The following OR51B5 variants were observed in gnomAD, a reference collection of about 807,000 sequenced individuals.
OR51B5 encodes the protein olfactory receptor 51B5.
For synonymous variants in OR51B5, 186 were observed against 144.8 expected (o/e 1.28, Z -2.04); for missense variants, 456 against 374.6 (o/e 1.22, Z -1.79).
chr11:5,406,774 G>A (rs1037145642), intron 1 of OR51B5, among the ~76,000 whole-genome samples: 1 of 152,126 alleles, frequency 6.6e-6, no homozygotes, highest in Non-Finnish European at 1.5e-5. Context: ...AAAGAGAAGG[G>A]AAGCCTAGAG....
intron 1 of OR51B5, among the ~76,000 whole-genome samples, chr11:5,378,165 C>A (rs1313858549): frequency 1.3e-5 from 2 of 151,780 alleles, no homozygotes; most frequent in African/African-American, 2.4e-5. Flanking sequence ...CGCATATCTA[C>A]AACTATCTGA....
exon 1 of OR51B5, chr11:5,342,586 T>A (rs778809704): frequency 6.4e-7 from 1 of 1,569,444 alleles, no homozygotes; most frequent in Non-Finnish European, 8.6e-7. Flanking sequence ...TGATTGGAGA[T>A]CAGGTTCCAA....
At position 5,465,181 on chromosome 11, in the gene OR51B5, G is replaced by C. The variant is rs1317436653; in HGVS notation, n.84+40388C>G. Among the ~76,000 whole-genome samples the C allele has an allele frequency of 4.2e-3, 558 of 133,752 alleles. 5 individuals are homozygous for C. The highest frequency in any genetic ancestry group is 0.015 in the African/African-American group (522 of 35,326). The allele number at this position is 133,752 out of a possible 152,430, so 87.7% of individuals were successfully genotyped here. A position where few individuals can be genotyped will look rare whatever the true frequency, so the allele number is the denominator to read the frequency against. ...AGATCCCGCCACTGCACTCCAGCCT[G>C]GGCGACAGAGCGAGACTCCGTCTCA... On this transcript the variant is annotated intron_variant and non_coding_transcript_variant, in intron 1 of 4. Coordinates refer to the OR51B5 transcript ENST00000415970.
At chr11:5,362,240 G>A (rs892525626) in intron 1 of OR51B5, among the ~76,000 whole-genome samples, 5 of 152,168 alleles carry the variant, frequency 3.3e-5, no homozygotes, top group African/African-American at 9.7e-5. Context: ...TCTGTCGGGG[G>A]ATGGGAGTAG....
intron 1 of OR51B5, chr11:5,390,578 G>A (rs1292262176): frequency 1.1e-5 from 6 of 533,698 alleles, no homozygotes; most frequent in South Asian, 3.2e-5. Context: ...TCCTCCTACA[G>A]CTGAGAACTG....
At chr11:5,423,100 G>C in intron 1 of OR51B5, 3 of 1,609,340 alleles carry the variant, frequency 1.9e-6, no homozygotes, top group Non-Finnish European at 2.5e-6. Context: ...AGAACAAGCA[G>C]ATCCAATGGG....
At chr11:5,417,009 ACTAC>A (rs1850254691) in intron 1 of OR51B5, among the ~76,000 whole-genome samples, 1 of 146,882 alleles carries the variant, frequency 6.8e-6, no homozygotes, top group African/African-American at 2.5e-5. Flanking sequence ...GAGGCATCAC[ACTAC>A]CTGACTTCAA....
chr11:5,396,908 CA>C (rs1165403853), intron 1 of OR51B5, among the ~76,000 whole-genome samples: 11 of 152,270 alleles, frequency 7.2e-5, no homozygotes, highest in Middle Eastern at 3.4e-3. Context: ...TGTCTATCTA[CA>C]ACTATCTGAT....
intron 1 of OR51B5, among the ~76,000 whole-genome samples, chr11:5,444,539 A>T (rs995884930): frequency 6.6e-6 from 1 of 152,142 alleles, no homozygotes; most frequent in Non-Finnish European, 1.5e-5. Flanking sequence ...AATTTTGGCA[A>T]AAGTGTTAAA....
intron 1 of OR51B5, chr11:5,454,471 C>T: frequency 6.9e-7 from 1 of 1,444,970 alleles, no homozygotes; most frequent in South Asian, 1.2e-5. Context: ...GCCATAGGCT[C>T]TCATCAGTAG....
chr11:5,435,034 G>T (rs1340263417), intron 1 of OR51B5, among the ~76,000 whole-genome samples: 1 of 152,160 alleles, frequency 6.6e-6, no homozygotes, highest in Admixed American at 6.5e-5. Context: ...AGGTCAGGTG[G>T]TGGGGAACAG....
intron 1 of OR51B5, among the ~76,000 whole-genome samples, chr11:5,419,540 T>C (rs897390087): frequency 6.6e-6 from 1 of 152,194 alleles, no homozygotes; most frequent in African/African-American, 2.4e-5. Flanking sequence ...ACACAGCATT[T>C]ATATTGTATC....
At chr11:5,385,336 T>A (rs894656054) in intron 1 of OR51B5, 1 of 152,142 alleles carries the variant, frequency 6.6e-6, no homozygotes, top group Admixed American at 6.5e-5. Flanking sequence ...CCCAGCCCTG[T>A]CATTGTCTCT....
chr11:5,343,846 G>A (rs1313098178), upstream of OR51B5, among the ~76,000 whole-genome samples: 1 of 152,150 alleles, frequency 6.6e-6, no homozygotes. Flanking sequence ...CCTTAACTAT[G>A]CAGATTTTAA....
intron 1 of OR51B5, among the ~76,000 whole-genome samples, chr11:5,484,775 C>T (rs1458274766): frequency 4.6e-5 from 7 of 152,158 alleles, no homozygotes; most frequent in Admixed American, 3.9e-4. Flanking sequence ...CTTTGAACAA[C>T]AAACCCGACG....
At position 5,386,090 on chromosome 11, in the gene OR51B5, CAGA is replaced by C. The variant is rs1849691895; in HGVS notation, n.85-39183_85-39181del. 2.0e-5 allele frequency among the ~76,000 whole-genome samples: 3 copies of C among 152,084 alleles called. No individual in the cohort carries two copies. In the South Asian group the frequency reaches 6.2e-4, roughly 32 times the overall value. ...CAGAAGGAAGTCAGGAGAGATTTGA[CAGA>C]AGAAGTGATATTTGTACTAAGTCTT... On this transcript the variant is annotated intron_variant and non_coding_transcript_variant, in intron 1 of 4. Transcript: ENST00000415970.
intron 1 of OR51B5, among the ~76,000 whole-genome samples, chr11:5,451,832 C>G (rs933735618): frequency 2.6e-5 from 4 of 152,126 alleles, no homozygotes; most frequent in Non-Finnish European, 5.9e-5. Flanking sequence ...TGAGGGTGAC[C>G]TATTAGCTTG....
chr11:5,421,066 C>A (rs1850327040), intron 1 of OR51B5, among the ~76,000 whole-genome samples: 1 of 152,182 alleles, frequency 6.6e-6, no homozygotes, highest in Non-Finnish European at 1.5e-5. Context: ...AGTTTCAAAT[C>A]ACATTCAACA....
chr11:5,347,491 T>A (rs1428794067), upstream of OR51B5, among the ~76,000 whole-genome samples: 1 of 152,202 alleles, frequency 6.6e-6, no homozygotes, highest in Admixed American at 6.5e-5. Flanking sequence ...GGCATACTCA[T>A]CACATGGTGC....
Sources: gnomAD v4.1 joint callset for allele counts (sites outside exome capture counted in the v4.1 genomes callset) on GRCh38, gnomAD v4.1.1 for gene constraint, MANE v1.5 for transcripts, NCBI Gene and HGNC (gene_info 2026-07-23, HGNC 2026-07-21) for gene names.